Variants in SPPL2B observed in about 807,000 individuals in gnomAD.
SPPL2B encodes the protein signal peptide peptidase-like 2B.
A neutral mutation model predicts 59.7 loss-of-function variants in SPPL2B; 39 were observed. That is an observed-to-expected ratio of 0.65 (90% CI 0.51 to 0.85). The LOEUF (loss-of-function observed/expected upper bound fraction) is 0.85, where lower values mean the gene tolerates loss of function less well. Among genes scored for constraint, SPPL2B ranks in the 40% least tolerant of loss-of-function variants. SPPL2B has a pLI of 0.00. For missense variants in SPPL2B, 865 were observed against 849.0 expected, an observed-to-expected ratio of 1.02 and a Z score of -0.23; for synonymous variants, 419 against 370.8, an observed-to-expected ratio of 1.13 and a Z score of -1.49.
At chr19:2,334,225 G>A (rs982169706) in intron 1 of SPPL2B, among the ~76,000 whole-genome samples, 7 of 152,276 alleles carry the variant, frequency 4.6e-5, no homozygotes, top group Middle Eastern at 3.4e-3. Flanking sequence ...CTGCTTCCCT[G>A]CTCAGGGCTC....
intron 5 of SPPL2B, 108 bp from the exon 6 acceptor site, chr19:2,339,716 C>T: frequency 2.2e-6 from 3 of 1,360,382 alleles, no homozygotes; most frequent in Non-Finnish European, 3.0e-6. Context: ...CCCGGGTCCC[C>T]TCCTGCTCCC....
Position 2,351,493 on chromosome 19 carries a change from C to G in SPPL2B, c.1414C>G (p.Pro472Ala). The G allele has an allele frequency of 6.2e-7, 1 of 1,610,478 alleles. No individual in the cohort carries two copies. Among genetic ancestry groups the G allele is most frequent in the Non-Finnish European group, 8.5e-7 (1 of 1,179,422 alleles). The change falls in exon 14 of 15, where the codon CCC (proline) becomes GCC (alanine). Residue 472 changes from proline (P) to alanine (A), a missense_variant. Pro to Ala is a conservative substitution (Grantham distance 27). Coordinates refer to ENST00000613503, the MANE Select transcript of SPPL2B (RefSeq NM_152988.3). The part of the protein sequence containing the change: ...VALALMQRGQ[P>A]ALLYLVPCTL... ...ACTGGCCCTGATGCAGCGTGGCCAG[C>G]CCGCTCTCCTCTACCTGGTGCCCTG...
rs71176540 is a variant in SPPL2B at position 2,330,275 on chromosome 19, A to ATT, written c.66+1518_66+1519dup. ...GGTGCATGCCACCACTCCTGGCTAA[A>ATT]TTTTTTTTTTTTTTTTTTTAGTAGA... On this transcript the variant is annotated intron_variant, in intron 1 of 14. Transcript: ENST00000613503. 57 of 132,200 alleles carry ATT rather than the reference A, an allele frequency of 4.3e-4. 3 individuals are homozygous for ATT. Among genetic ancestry groups the ATT allele is most frequent in the African/African-American group, 5.5e-4 (19 of 34,396 alleles). The allele number at this position is 132,200 out of a possible 1,614,324, so 8.2% of individuals were successfully genotyped here.
intron 13 of SPPL2B, among the ~76,000 whole-genome samples, chr19:2,349,852 C>T (rs1455185602): frequency 2.0e-5 from 3 of 147,440 alleles, no homozygotes; most frequent in African/African-American, 7.6e-5. Context: ...CTCACGCTCT[C>T]ATTCGCTTGA....
At chr19:2,333,882 G>A (rs1054311462) in intron 1 of SPPL2B, among the ~76,000 whole-genome samples, 24 of 152,254 alleles carry the variant, frequency 1.6e-4, no homozygotes, top group African/African-American at 5.1e-4. Flanking sequence ...CTGCTTTGGG[G>A]CTTCATGGGG....
intron 5 of SPPL2B, among the ~76,000 whole-genome samples, chr19:2,339,461 T>A (rs940050342): frequency 1.3e-5 from 2 of 151,972 alleles, no homozygotes; most frequent in South Asian, 4.2e-4. Flanking sequence ...GCGTGGCAGG[T>A]GCAGGGCTGG....
intron 2 of SPPL2B, 89 bp from the exon 3 acceptor site, chr19:2,337,354 C>A: frequency 7.8e-7 from 1 of 1,286,850 alleles, no homozygotes; most frequent in Non-Finnish European, 1.1e-6. Context: ...GGATCTAACT[C>A]AGCGCAGGCT....
chr19:2,350,709 G>A (rs773982022), intron 13 of SPPL2B, among the ~76,000 whole-genome samples: 2 of 152,276 alleles, frequency 1.3e-5, no homozygotes, highest in African/African-American at 2.4e-5. Context: ...TGCCTGCGGC[G>A]ACATCACGTT....
chr19:2,335,308 C>T (rs1397156685), intron 2 of SPPL2B, among the ~76,000 whole-genome samples: 4 of 127,720 alleles, frequency 3.1e-5, no homozygotes, highest in Admixed American at 8.1e-5. Flanking sequence ...CGCCTCCTTT[C>T]CCACTGCATC....
intron 2 of SPPL2B, 140 bp downstream of exon 2, chr19:2,334,861 G>A: frequency 1.7e-6 from 2 of 1,143,284 alleles, no homozygotes; most frequent in South Asian, 3.3e-5. Context: ...CTCTTAGCTG[G>A]CCCCCAGTTC....
intron 1 of SPPL2B, among the ~76,000 whole-genome samples, chr19:2,333,971 C>T (rs974293493): frequency 8.5e-5 from 13 of 152,346 alleles, no homozygotes; most frequent in East Asian, 5.8e-4. Flanking sequence ...ACCCGGTGCC[C>T]GTAGGCCCCT....
chr19:2,352,843 G>A, intron 14 of SPPL2B, 103 bp from the exon 15 acceptor site: 1 of 1,315,538 alleles, frequency 7.6e-7, no homozygotes, highest in Non-Finnish European at 1.1e-6. Flanking sequence ...GCCTCATTTT[G>A]ACCCTGCCCC....
At chr19:2,350,806 C>G (rs1020221118) in intron 13 of SPPL2B, among the ~76,000 whole-genome samples, 3 of 152,238 alleles carry the variant, frequency 2.0e-5, no homozygotes, top group Non-Finnish European at 4.4e-5. Flanking sequence ...ACGTCAGGGA[C>G]ATGAGCAAGG....
chr19:2,329,867 C>T (rs1401382733), intron 1 of SPPL2B, among the ~76,000 whole-genome samples: 1 of 152,200 alleles, frequency 6.6e-6, no homozygotes, highest in Non-Finnish European at 1.5e-5. Flanking sequence ...CTAGTCTTTT[C>T]TCTTACCCTG....
chr19:2,353,219 G>C lies in SPPL2B; in HGVS notation c.*10G>C. Reference sequence around the variant, plus strand: ...TGGCGCCTCGGCCTAGGGGAGGGGTGAGACGCTCGCTGCCGTGCCCGCCAC... The same window carrying C: ...TGGCGCCTCGGCCTAGGGGAGGGGTCAGACGCTCGCTGCCGTGCCCGCCAC... On this transcript the variant is annotated 3_prime_UTR_variant, in exon 15 of 15. Transcript: ENST00000613503. The C allele has an allele frequency of 6.3e-7, 1 of 1,580,062 alleles. No individual in the cohort carries two copies. Among genetic ancestry groups the C allele is most frequent in the African/African-American group, 1.3e-5 (1 of 74,378 alleles).
At chr19:2,334,548 G>A in intron 1 of SPPL2B, 54 bp from the exon 2 acceptor site, 1 of 1,565,056 alleles carries the variant, frequency 6.4e-7, no homozygotes. Context: ...TCGTGGGGCG[G>A]TGCAGCCCCG....
chr19:2,344,666 TGGAG>T lies in SPPL2B; in HGVS notation c.1276+15_1276+18del, dbSNP rs1599234400. On this transcript the variant is annotated intron_variant, in intron 12 of 14. Coordinates refer to ENST00000613503, the MANE Select transcript of SPPL2B (RefSeq NM_152988.3). ...TTTTGGTGCCAGGTACTGAGGCGGG[TGGAG>T]CACACGGGTCCACGCTGTGGGGCAG... The T allele has an allele frequency of 6.4e-7, 1 of 1,560,712 alleles. No homozygotes were observed. Among genetic ancestry groups the T allele is most frequent in the Non-Finnish European group, 8.8e-7 (1 of 1,135,152 alleles).
chr19:2,338,390 AGAGGC>A, intron 3 of SPPL2B: 1 of 175,292 alleles, frequency 5.7e-6, no homozygotes, highest in Admixed American at 6.1e-5. Context: ...CGTAGTTGAG[AGAGGC>A]CCTCAGTGGG....
intron 7 of SPPL2B, chr19:2,340,562 A>G (rs770865302): frequency 1.8e-6 from 1 of 557,846 alleles, no homozygotes. Flanking sequence ...TGGGTCTAGG[A>G]AGCGGGGCTA....
Sources: allele counts gnomAD v4.1 joint callset (sites outside exome capture counted in the v4.1 genomes callset), GRCh38; gene constraint gnomAD v4.1.1; transcripts MANE v1.5; gene names NCBI Gene and HGNC (gene_info 2026-07-23, HGNC 2026-07-21).